The following PDE3B variants were observed in gnomAD, a reference collection of about 807,000 sequenced individuals.
The protein encoded by PDE3B is cGMP-inhibited 3',5'-cyclic phosphodiesterase 3B.
Under a neutral mutation model 116.8 loss-of-function variants are expected in PDE3B, and 66 were observed. The ratio of observed to expected loss-of-function variants is 0.56; its 90% confidence interval spans 0.46 to 0.69. The LOEUF is 0.69. Ranked by LOEUF, PDE3B falls within the 30% of genes least tolerant of loss-of-function variation. PDE3B has a pLI of 0.00. For missense variants in PDE3B, 1,384 were observed against 1,368.1 expected (o/e 1.01, Z -0.18); for synonymous variants, 595 against 533.6 (o/e 1.12, Z -1.59).
chr11:14,675,568 G>A lies in PDE3B; in HGVS notation c.978+30515G>A, dbSNP rs141246147. On this transcript the variant is annotated intron_variant, in intron 1 of 15. Coordinates refer to ENST00000282096, the MANE Select transcript of PDE3B (RefSeq NM_000922.4). ...GCCACTTACTGATTTCTATTGCCAT[G>A]TATTTGTTTTAACTGTTTTTTAACC... 4.5e-3 allele frequency among the ~76,000 whole-genome samples: 684 copies of A among 152,078 alleles called. 3 individuals carry two copies. Among genetic ancestry groups the A allele is most frequent in the African/African-American group, 0.015 (609 of 41,514 alleles).
At chr11:14,828,014 G>C (rs1218920528) in intron 7 of PDE3B, among the ~76,000 whole-genome samples, 1 of 152,070 alleles carries the variant, frequency 6.6e-6, no homozygotes, top group East Asian at 1.9e-4. Context: ...AAGACCACAT[G>C]CCTACAACCA....
intron 1 of PDE3B, among the ~76,000 whole-genome samples, chr11:14,696,707 T>A (rs1855217609): frequency 6.6e-6 from 1 of 152,120 alleles, no homozygotes; most frequent in Non-Finnish European, 1.5e-5. Context: ...ATACAAAACT[T>A]TTGTGGGATA....
At chr11:14,759,581 G>C (rs1411833415) in intron 1 of PDE3B, among the ~76,000 whole-genome samples, 1 of 127,114 alleles carries the variant, frequency 7.9e-6, no homozygotes, top group Admixed American at 8.6e-5. Context: ...ACAGAGTCTT[G>C]CTTTGTCGCC....
At chr11:14,696,492 G>A (rs1450003376) in intron 1 of PDE3B, among the ~76,000 whole-genome samples, 1 of 152,124 alleles carries the variant, frequency 6.6e-6, no homozygotes, top group Non-Finnish European at 1.5e-5. Context: ...TCTGGGAGGT[G>A]TATATTTGTG....
intron 1 of PDE3B, among the ~76,000 whole-genome samples, chr11:14,651,234 G>A (rs569434227): frequency 2.6e-5 from 4 of 152,072 alleles, no homozygotes; most frequent in Non-Finnish European, 2.9e-5. Context: ...CTTCATCTTC[G>A]CATGGCATTC....
intron 4 of PDE3B, among the ~76,000 whole-genome samples, chr11:14,802,243 G>A (rs1044576880): frequency 3.9e-5 from 6 of 152,158 alleles, no homozygotes; most frequent in South Asian, 4.1e-4. Context: ...CTAAATGGCC[G>A]CCCAGTTTTT....
At chr11:14,825,702 C>G (rs1859667775) in intron 7 of PDE3B, among the ~76,000 whole-genome samples, 1 of 152,206 alleles carries the variant, frequency 6.6e-6, no homozygotes, top group African/African-American at 2.4e-5. Context: ...GACTTCAACA[C>G]TCCACTGACA....
At chr11:14,809,852 C>A (rs993436830) in intron 5 of PDE3B, among the ~76,000 whole-genome samples, 1 of 151,976 alleles carries the variant, frequency 6.6e-6, no homozygotes, top group Non-Finnish European at 1.5e-5. Flanking sequence ...AAACTGTGAG[C>A]AGCCAAGTTC....
intron 5 of PDE3B, among the ~76,000 whole-genome samples, chr11:14,807,340 T>C (rs1858971180): frequency 6.6e-6 from 1 of 152,054 alleles, no homozygotes; most frequent in African/African-American, 2.4e-5. Context: ...TATATAACAA[T>C]AGCATAGAGG....
intron 5 of PDE3B, among the ~76,000 whole-genome samples, chr11:14,810,261 C>T (rs1266674353): frequency 6.6e-6 from 1 of 151,644 alleles, no homozygotes; most frequent in South Asian, 2.1e-4. Flanking sequence ...TGGTGCGCTG[C>T]ACCCACTAAC....
chr11:14,761,347 T>C (rs1857354948), intron 1 of PDE3B, among the ~76,000 whole-genome samples: 1 of 152,174 alleles, frequency 6.6e-6, no homozygotes, highest in Non-Finnish European at 1.5e-5. Flanking sequence ...AGTTAGACAT[T>C]GTGCTCAGTT....
chr11:14,891,856 C>A, the PDE3B span: 1 of 1,408,512 alleles, frequency 7.1e-7, no homozygotes, highest in Non-Finnish European at 9.4e-7. Context: ...CCTCAAAGGG[C>A]AGCCGGCACA....
chr11:14,749,453 A>G (rs1856998337), intron 1 of PDE3B, among the ~76,000 whole-genome samples: 1 of 152,144 alleles, frequency 6.6e-6, no homozygotes, highest in African/African-American at 2.4e-5. Context: ...GTTATACTGA[A>G]TCAAAGTCAG....
intron 13 of PDE3B, among the ~76,000 whole-genome samples, chr11:14,860,163 A>G (rs1847920090): frequency 6.6e-6 from 1 of 152,186 alleles, no homozygotes; most frequent in Admixed American, 6.5e-5. Flanking sequence ...TATTCACTTT[A>G]ATTTTTAAAT....
At chr11:14,866,885 A>C (rs956101921) in intron 14 of PDE3B, among the ~76,000 whole-genome samples, 1 of 152,152 alleles carries the variant, frequency 6.6e-6, no homozygotes. Context: ...AGCTTGCCCA[A>C]CACCACACAG....
At chr11:14,687,613 G>C (rs1565092325) in intron 1 of PDE3B, among the ~76,000 whole-genome samples, 1 of 152,140 alleles carries the variant, frequency 6.6e-6, no homozygotes. Context: ...GCTGTACCAA[G>C]AGCAGATGGC....
chr11:14,802,633 A>G (rs1858809888), intron 4 of PDE3B, among the ~76,000 whole-genome samples: 1 of 152,136 alleles, frequency 6.6e-6, no homozygotes, highest in Non-Finnish European at 1.5e-5. Flanking sequence ...TTCTATTTGA[A>G]TGTTGCCCCG....
intron 1 of PDE3B, chr11:14,699,206 AT>A (rs975336882): frequency 3.3e-5 from 5 of 151,944 alleles, no homozygotes; most frequent in African/African-American, 7.2e-5. Context: ...CCAAATCCAC[AT>A]AGTACTGGCA....
chr11:14,713,414 T>C (rs932718062), intron 1 of PDE3B, among the ~76,000 whole-genome samples: 3 of 152,076 alleles, frequency 2.0e-5, no homozygotes, highest in Admixed American at 1.3e-4. Flanking sequence ...AAAGGCAGAC[T>C]CTCCCACATA....
Sources: gnomAD v4.1 joint callset for allele counts (sites outside exome capture counted in the v4.1 genomes callset) on GRCh38, gnomAD v4.1.1 for gene constraint, MANE v1.5 for transcripts, NCBI Gene and HGNC (gene_info 2026-07-23, HGNC 2026-07-21) for gene names.